Variants in RGS6 observed in about 807,000 individuals in gnomAD.
The protein encoded by RGS6 is regulator of G-protein signaling 6.
In RGS6, 30 loss-of-function variants were observed where a neutral mutation model predicts 78.5. That is an observed-to-expected ratio of 0.38 (90% CI 0.29 to 0.52). The LOEUF (loss-of-function observed/expected upper bound fraction) is 0.52, where lower values mean the gene tolerates loss of function less well. RGS6 is among the 20% of genes least tolerant of loss of function. RGS6 has a pLI of 0.85. For synonymous variants in RGS6, 206 were observed against 206.0 expected (o/e 1.00, Z 0.00); for missense variants, 495 against 609.7 (o/e 0.81, Z 1.98).
At chr14:72,417,177 G>T (rs1310827580) in intron 3 of RGS6, among the ~76,000 whole-genome samples, 1 of 152,194 alleles carries the variant, frequency 6.6e-6, no homozygotes, top group African/African-American at 2.4e-5. Context: ...CTCCCTGCCA[G>T]CTGAGCTGTG....
chr14:72,036,373 T>A (rs1178404208), intron 2 of RGS6, among the ~76,000 whole-genome samples: 1 of 151,926 alleles, frequency 6.6e-6, no homozygotes, highest in East Asian at 1.9e-4. Flanking sequence ...CTTATACAGG[T>A]TTTGGGGTAC....
At chr14:72,568,026 G>A (rs1304812809), downstream of RGS6, among the ~76,000 whole-genome samples, 12 of 152,314 alleles carry the variant, frequency 7.9e-5, no homozygotes, top group Admixed American at 6.5e-4. Flanking sequence ...AAAGGGGCCT[G>A]GGGTGTCGGG....
Position 72,193,000 on chromosome 14 carries a change from CT to C in RGS6, c.85-159085del, listed in dbSNP as rs1361609944. ...GTTGGGTTTTTTTTTTTTTTTCTTT[CT>C]TTTTTTTTTGAGATGGAGTCTCACT... On this transcript the variant is annotated intron_variant, in intron 2 of 17. Coordinates refer to ENST00000553525, the MANE Select transcript of RGS6 (RefSeq NM_001204424.2). Among the ~76,000 whole-genome samples the C allele has an allele frequency of 1.5e-4, 19 of 126,042 alleles. No homozygotes were observed. The South Asian group carries it at 2.4e-3, about 16-fold the overall frequency. 82.7% of individuals were successfully genotyped at this position (126,042 alleles called of 152,430 possible).
chr14:72,424,090 G>A (rs1211422382), intron 3 of RGS6, among the ~76,000 whole-genome samples: 1 of 152,190 alleles, frequency 6.6e-6, no homozygotes, highest in Admixed American at 6.5e-5. Context: ...GTAAATGGAG[G>A]TGGGACAGTC....
chr14:72,392,192 A>G (rs1253396593), intron 3 of RGS6, among the ~76,000 whole-genome samples: 1 of 151,702 alleles, frequency 6.6e-6, no homozygotes, highest in East Asian at 1.9e-4. Flanking sequence ...ACACAAATAT[A>G]TATATATATA....
intron 2 of RGS6, among the ~76,000 whole-genome samples, chr14:72,129,341 CA>C (rs1446887776): frequency 6.6e-6 from 1 of 152,150 alleles, no homozygotes; most frequent in African/African-American, 2.4e-5. Context: ...GAGTACAGCC[CA>C]AAGTAAGGTT....
At chr14:72,031,202 A>C (rs1419235782) in intron 2 of RGS6, among the ~76,000 whole-genome samples, 2 of 152,124 alleles carry the variant, frequency 1.3e-5, no homozygotes, top group African/African-American at 4.8e-5. Flanking sequence ...ATTCCCCCTG[A>C]AATTTTTTAT....
intron 3 of RGS6, among the ~76,000 whole-genome samples, chr14:72,396,593 G>T (rs984024109): frequency 2.0e-5 from 3 of 152,010 alleles, no homozygotes; most frequent in Non-Finnish European, 4.4e-5. Flanking sequence ...CATTGCTTTT[G>T]GTGTTTTAGA....
At chr14:72,212,932 A>G (rs1038895072) in intron 2 of RGS6, among the ~76,000 whole-genome samples, 3 of 152,184 alleles carry the variant, frequency 2.0e-5, no homozygotes, top group Non-Finnish European at 4.4e-5. Flanking sequence ...AAGTAGGACC[A>G]TGCACAGATA....
the RGS6 span, among the ~76,000 whole-genome samples, chr14:72,575,622 C>T: frequency 0.039 from 5,916 of 152,124 alleles, 339 homozygotes; most frequent in African/African-American, 0.13. Context: ...CCATCAGTTC[C>T]GCAAATAACG....
rs541494734 is a variant in RGS6 at position 71,966,693 on chromosome 14, C to T, written c.84+1818C>T. ...ATTGTGAAGATCACTTTAGATAAAT[C>T]GAATGAGGCATCTTATATCCTACTT... On this transcript the variant is annotated intron_variant, in intron 2 of 17. Coordinates refer to ENST00000553525, the MANE Select transcript of RGS6 (RefSeq NM_001204424.2). Among the ~76,000 whole-genome samples the T allele has an allele frequency of 4.6e-5, 7 of 152,240 alleles. No individual in the cohort carries two copies. In the South Asian group the frequency reaches 1.5e-3, roughly 32 times the overall value.
the RGS6 span, among the ~76,000 whole-genome samples, chr14:71,878,913 A>T: frequency 6.6e-6 from 1 of 152,174 alleles, no homozygotes. Context: ...GCTGATGTAC[A>T]ATTAGAGTCC....
intron 3 of RGS6, among the ~76,000 whole-genome samples, chr14:72,364,880 T>A (rs1196310666): frequency 6.6e-6 from 1 of 152,184 alleles, no homozygotes; most frequent in Admixed American, 6.5e-5. Flanking sequence ...CAAGACTCTG[T>A]CACTCTCAGA....
At chr14:71,875,644 T>C in the RGS6 span, among the ~76,000 whole-genome samples, 1 of 152,334 alleles carries the variant, frequency 6.6e-6, no homozygotes, top group South Asian at 2.1e-4. Flanking sequence ...CTCTATCTCC[T>C]TCAGTTCTGC....
chr14:72,581,351 A>G, the RGS6 span, among the ~76,000 whole-genome samples: 1 of 151,796 alleles, frequency 6.6e-6, no homozygotes, highest in African/African-American at 2.4e-5. Context: ...TGCAAATTCT[A>G]TTTTTATATC....
chr14:72,234,236 G>A lies in RGS6; in HGVS notation c.85-117859G>A, dbSNP rs112578555. ...ATCTCTTGACATGACCCCACATAGT[G>A]ACTGTACCTCAGAGGGGTAACCATT... On this transcript the variant is annotated intron_variant, in intron 2 of 17. Transcript: ENST00000553525. Among the ~76,000 whole-genome samples the A allele has an allele frequency of 7.2e-3, 1,098 of 152,050 alleles. 17 individuals are homozygous for A. The highest frequency in any genetic ancestry group is 0.025 in the African/African-American group (1,052 of 41,472).
chr14:72,028,764 T>C (rs1026984997), intron 2 of RGS6, among the ~76,000 whole-genome samples: 5 of 152,200 alleles, frequency 3.3e-5, no homozygotes, highest in Non-Finnish European at 7.4e-5. Flanking sequence ...TTTAGTGAAA[T>C]TTTTAGAAGC....
At chr14:72,164,234 A>G (rs1441385125) in intron 2 of RGS6, among the ~76,000 whole-genome samples, 1 of 152,148 alleles carries the variant, frequency 6.6e-6, no homozygotes, top group African/African-American at 2.4e-5. Flanking sequence ...AACCCAGGAG[A>G]GGGAAGGCAT....
At position 72,165,593 on chromosome 14, in the gene RGS6, AG is replaced by A. The variant is rs2096914078; in HGVS notation, c.85-186501del. Among the ~76,000 whole-genome samples the A allele has an allele frequency of 3.9e-5, 6 of 152,340 alleles. No homozygotes were observed. The South Asian group carries it at 1.2e-3, about 32-fold the overall frequency. ...CAAAATACACTGCATGGATTTTTAC[AG>A]TTTGCTTTGTGCTTGGACATCTTTC... is the stretch of plus-strand genomic sequence containing the variant. On this transcript the variant is annotated intron_variant, in intron 2 of 17. Coordinates refer to ENST00000553525, the MANE Select transcript of RGS6 (RefSeq NM_001204424.2).
Sources: allele counts gnomAD v4.1 joint callset (sites outside exome capture counted in the v4.1 genomes callset), GRCh38; gene constraint gnomAD v4.1.1; transcripts MANE v1.5; gene names NCBI Gene and HGNC (gene_info 2026-07-23, HGNC 2026-07-21).